Variants in KCNQ1 observed in about 807,000 individuals in gnomAD.
The protein encoded by KCNQ1 is potassium voltage-gated channel subfamily KQT member 1.
In KCNQ1, 49 loss-of-function variants were observed where a neutral mutation model predicts 72.4. The ratio of observed to expected loss-of-function variants is 0.68; its 90% CI spans 0.54 to 0.86. KCNQ1 has a LOEUF of 0.86. Among genes scored for constraint, KCNQ1 ranks in the 40% least tolerant of loss-of-function variants. The probability of loss-of-function intolerance (pLI) is 0.00; values close to 1 mark genes in which losing one functional copy is unlikely to be tolerated. For synonymous variants in KCNQ1, 450 were observed against 412.6 expected, an observed-to-expected ratio of 1.09 and a Z score of -1.10; for missense variants, 790 against 945.1, an observed-to-expected ratio of 0.84 and a Z score of 2.15.
Position 2,654,383 on chromosome 11 carries a change from C to A in KCNQ1, c.1394-7578C>A, listed in dbSNP as rs182981279. 84 of 398,520 alleles carry A rather than the reference C, an allele frequency of 2.1e-4. No individual in the cohort carries two copies. In the East Asian group the frequency reaches 2.9e-3, roughly 14 times the overall value. The allele number at this position is 398,520 out of a possible 1,614,324, so 24.7% of individuals were successfully genotyped here. A position where few individuals can be genotyped will look rare whatever the true frequency, so the allele number is the denominator to read the frequency against. On this transcript the variant is annotated intron_variant, in intron 10 of 15. Transcript: ENST00000155840. This position sits in a 1 kb window ranked among gnomAD's most constrained non-coding sequence, Gnocchi z 6.4. ...TGTTCATCCTTGTGAAGTAGGCTGG[C>A]TCAGGGAACTCGCCTGTGCCAAACC...
rs186649014 is a variant in KCNQ1 at position 2,741,596 on chromosome 11, G to A, written c.1515-27248G>A. On this transcript the variant is annotated intron_variant, in intron 11 of 15. Coordinates refer to ENST00000155840, the MANE Select transcript of KCNQ1 (RefSeq NM_000218.3). ...TCCAACCCAGGCCTGAGCTCTGTTC[G>A]GGTCTCTATCCTCCTGCCCTTTAGC... 1.8e-4 allele frequency among the ~76,000 whole-genome samples: 27 copies of A among 152,252 alleles called. No homozygotes were observed. In the East Asian group the frequency reaches 4.4e-3, roughly 25 times the overall value.
intron 12 of KCNQ1, 121 bp from the exon 13 acceptor site, chr11:2,775,839 C>T: frequency 1.1e-6 from 1 of 928,342 alleles, no homozygotes; most frequent in South Asian, 1.4e-5. Flanking sequence ...GCCATCACCA[C>T]ATAGGCGAGC....
At chr11:2,625,493 TGACTA>T (rs1849247644) in intron 10 of KCNQ1, 1 of 398,586 alleles carries the variant, frequency 2.5e-6, no homozygotes. Context: ...TATTTCCTAA[TGACTA>T]GAGATGTTAA....
chr11:2,795,272 T>C (rs978576850), intron 15 of KCNQ1, among the ~76,000 whole-genome samples: 14 of 152,220 alleles, frequency 9.2e-5, no homozygotes, highest in Admixed American at 5.2e-4. Context: ...CTCAGAGCAG[T>C]CCCTGCTGCT....
intron 11 of KCNQ1, among the ~76,000 whole-genome samples, chr11:2,742,769 C>T (rs529717732): frequency 2.6e-5 from 4 of 152,236 alleles, no homozygotes; most frequent in Non-Finnish European, 4.4e-5. Context: ...CGCGGGGGCC[C>T]GCTGTGGCCT....
In KCNQ1 at chr11:2,617,856, C is replaced by A; in HGVS notation, c.1393+29002C>A. The A allele has an allele frequency of 2.5e-6, 1 of 398,468 alleles. No individual in the cohort carries two copies. The highest frequency in any genetic ancestry group is 1.3e-4 in the South Asian group (1 of 7,850). The allele number at this position is 398,468 out of a possible 1,614,324, so 24.7% of individuals were successfully genotyped here. ...TCTTTGCAAAAATGTCTACTCAGTTCCACTGCCCATTTTTTAATTGGGTTA... is the reference window on the plus strand; with the variant it reads ...TCTTTGCAAAAATGTCTACTCAGTTACACTGCCCATTTTTTAATTGGGTTA... On this transcript the variant is annotated intron_variant, in intron 10 of 15. Coordinates refer to ENST00000155840, the MANE Select transcript of KCNQ1 (RefSeq NM_000218.3). The surrounding 1 kb of genome is among the most constrained non-coding windows in gnomAD (Gnocchi z 4.6).
Position 2,549,229 on chromosome 11 carries a change from A to G in KCNQ1, c.477+21211A>G, listed in dbSNP as rs986612769. 2.0e-5 allele frequency among the ~76,000 whole-genome samples: 3 copies of G among 152,176 alleles called. No individual in the cohort carries two copies. Among genetic ancestry groups the G allele is most frequent in the Non-Finnish European group, 2.9e-5 (2 of 68,024 alleles). On this transcript the variant is annotated intron_variant, in intron 2 of 15. Coordinates refer to ENST00000155840, the MANE Select transcript of KCNQ1 (RefSeq NM_000218.3). This position sits in a 1 kb window ranked among gnomAD's most constrained non-coding sequence, Gnocchi z 6.2. The stretch of plus-strand genomic sequence containing the variant: ...CTAGTGGCCATCAGCAGGCTACAGC[A>G]TCCAGCCAGTGCCACCAGGAGCCCA...
In KCNQ1 at chr11:2,662,182, A is replaced by G; in HGVS notation, c.1514+101A>G. 17 of 1,524,868 alleles carry G rather than the reference A, an allele frequency of 1.1e-5. No homozygotes were observed. In the South Asian group the frequency reaches 1.2e-4, roughly 11 times the overall value. The allele number at this position is 1,524,868 out of a possible 1,614,324, so 94.5% of individuals were successfully genotyped here. A position where few individuals can be genotyped will look rare whatever the true frequency, so the allele number is the denominator to read the frequency against. ...AGCCTTGCTCTCTGGCCAGAGTGCT[A>G]TCTACTCGCCTAGTGCCCACCACTT... On this transcript the variant is annotated intron_variant, in intron 11 of 15. Coordinates refer to ENST00000155840, the MANE Select transcript of KCNQ1 (RefSeq NM_000218.3).
intron 1 of KCNQ1, among the ~76,000 whole-genome samples, chr11:2,524,396 C>A (rs1330467000): frequency 1.3e-5 from 2 of 152,192 alleles, no homozygotes; most frequent in African/African-American, 2.4e-5. Context: ...ACCTCAGAAG[C>A]CCTTGGAGCC....
At chr11:2,649,523 C>T (rs1849725585) in intron 10 of KCNQ1, 1 of 398,374 alleles carries the variant, frequency 2.5e-6, no homozygotes, top group South Asian at 1.3e-4. Context: ...AAAATTTCTT[C>T]CCTCATTCTG....
At chr11:2,797,566 C>G (rs233441) in intron 15 of KCNQ1, among the ~76,000 whole-genome samples, 128,812 of 152,068 alleles carry the variant, frequency 0.85, 54,691 homozygotes, top group East Asian at 0.98. Flanking sequence ...ACCCTTGCTC[C>G]GGAGCTCGAG....
intron 10 of KCNQ1, chr11:2,644,437 A>G: frequency 2.5e-6 from 1 of 398,094 alleles, no homozygotes; most frequent in Non-Finnish European, 4.4e-6. Context: ...GGTTCTTTTT[A>G]TATCTATCTC....
At chr11:2,454,600 G>T (rs1161467583) in intron 1 of KCNQ1, among the ~76,000 whole-genome samples, 1 of 152,178 alleles carries the variant, frequency 6.6e-6, no homozygotes, top group African/African-American at 2.4e-5. Context: ...GTAAGTAATT[G>T]TGTTGGTATC....
rs1420916657 is a variant in KCNQ1 at position 2,623,668 on chromosome 11, C to T, written c.1393+34814C>T. On this transcript the variant is annotated intron_variant, in intron 10 of 15. Coordinates refer to ENST00000155840, the MANE Select transcript of KCNQ1 (RefSeq NM_000218.3). The surrounding 1 kb of genome is among the most constrained non-coding windows in gnomAD (Gnocchi z 5.2). Reference sequence around the variant, plus strand: ...GTACTACAGTTTATCTGTCTACTCACCTATGGAAGGACATCTCGGTTGCTT... The same window carrying T: ...GTACTACAGTTTATCTGTCTACTCATCTATGGAAGGACATCTCGGTTGCTT... The T allele has an allele frequency of 2.5e-6, 1 of 398,354 alleles. No homozygotes were observed. The highest frequency in any genetic ancestry group is 2.1e-5 in the African/African-American group (1 of 48,606). 24.7% of individuals were successfully genotyped at this position (398,354 alleles called of 1,614,324 possible).
In KCNQ1 at chr11:2,667,754, C is replaced by T. The variant is rs1043824298; in HGVS notation, c.1514+5673C>T. 4 of 398,622 alleles carry T rather than the reference C, an allele frequency of 1.0e-5. No homozygotes were observed. In the Admixed American group the frequency reaches 1.8e-4, roughly 18 times the overall value. The allele number at this position is 398,622 out of a possible 1,614,324, so 24.7% of individuals were successfully genotyped here. A position where few individuals can be genotyped will look rare whatever the true frequency, so the allele number is the denominator to read the frequency against. On this transcript the variant is annotated intron_variant, in intron 11 of 15. Transcript: ENST00000155840. The stretch of plus-strand genomic sequence containing the variant: ...GTGAGGGAGTGGGATGGGGCTGGGC[C>T]TAGCGGCCCTGAAGGCCAGGGCTAT...
At chr11:2,747,097 C>T (rs967354669) in intron 11 of KCNQ1, among the ~76,000 whole-genome samples, 2 of 152,220 alleles carry the variant, frequency 1.3e-5, no homozygotes, top group African/African-American at 4.8e-5. Context: ...TGGGCACATC[C>T]GAGCCCAGCC....
intron 10 of KCNQ1, among the ~76,000 whole-genome samples, chr11:2,590,818 C>T (rs532950667): frequency 3.9e-5 from 6 of 152,268 alleles, no homozygotes; most frequent in African/African-American, 1.4e-4. Context: ...GAGGCTGGAC[C>T]CCACTGTTCC....
rs980670061 is a variant in KCNQ1 at position 2,654,903 on chromosome 11, G to A, written c.1394-7058G>A. On this transcript the variant is annotated intron_variant, in intron 10 of 15. Coordinates refer to ENST00000155840, the MANE Select transcript of KCNQ1 (RefSeq NM_000218.3). This position sits in a 1 kb window ranked among gnomAD's most constrained non-coding sequence, Gnocchi z 6.4. The stretch of plus-strand genomic sequence containing the variant: ...GCAACTCTAGGATAAGATGTGCAAG[G>A]TCGTGGGCCAGAGAGCAAGGCACAG... 4 of 398,496 alleles carry A rather than the reference G, an allele frequency of 1.0e-5. No homozygotes were observed. The highest frequency in any genetic ancestry group is 6.2e-5 in the African/African-American group (3 of 48,594). The allele number at this position is 398,496 out of a possible 1,614,324, so 24.7% of individuals were successfully genotyped here. A position where few individuals can be genotyped will look rare whatever the true frequency, so the allele number is the denominator to read the frequency against.
chr11:2,648,354 G>C (rs1276926148), intron 10 of KCNQ1: 1 of 398,294 alleles, frequency 2.5e-6, no homozygotes, highest in Non-Finnish European at 4.4e-6. Context: ...CTTGAGATGC[G>C]TTTATTAGGT....
Sources: allele counts gnomAD v4.1 joint callset (sites outside exome capture counted in the v4.1 genomes callset), GRCh38; gene constraint gnomAD v4.1.1; non-coding constraint Gnocchi (gnomAD v3.1); transcripts MANE v1.5; gene names NCBI Gene and HGNC (gene_info 2026-07-23, HGNC 2026-07-21).